LRGUK: variants seen among roughly 807,000 people sequenced by gnomAD.
The protein encoded by LRGUK is leucine rich repeats and guanylate kinase domain containing, also known as leucine-rich repeat and guanylate kinase domain-containing protein.
A neutral mutation model predicts 76.0 loss-of-function variants in LRGUK; 65 were observed. The observed-to-expected ratio is 0.85, with a 90% CI of 0.70 to 1.05. The LOEUF (loss-of-function observed/expected upper bound fraction) is 1.05. Ranked by LOEUF, LRGUK falls within the 50% of genes least tolerant of loss-of-function variation. The pLI is 0.00. For missense variants in LRGUK, 758 were observed against 732.8 expected (o/e 1.03, Z -0.40); for synonymous variants, 268 against 265.6 (o/e 1.01, Z -0.09).
chr7:134,163,443 C>G, exon 7 of LRGUK: 1 of 1,613,640 alleles, frequency 6.2e-7, no homozygotes, highest in Non-Finnish European at 8.5e-7. Context: ...GATCTGAAAG[C>G]CCTGCAGAAC....
chr7:134,183,604 A>G (rs1204992316), intron 10 of LRGUK, 130 bp from the exon 11 acceptor site: 12 of 850,512 alleles, frequency 1.4e-5, no homozygotes, highest in Non-Finnish European at 1.8e-5. Context: ...GGAAAGGACA[A>G]CTATTCTTCT....
chr7:134,265,323 T>G (rs1802836722), downstream of LRGUK, among the ~76,000 whole-genome samples: 2 of 152,152 alleles, frequency 1.3e-5, no homozygotes, highest in South Asian at 4.1e-4. Flanking sequence ...CGAATACAGC[T>G]AAAACCCTGA....
At chr7:134,160,607 C>T (rs549519447) in intron 6 of LRGUK, among the ~76,000 whole-genome samples, 16 of 152,202 alleles carry the variant, frequency 1.1e-4, no homozygotes, top group South Asian at 4.2e-4. Flanking sequence ...TGTTAATTCT[C>T]GAATGTCAAC....
At chr7:134,195,463 T>A (rs748789521) in intron 12 of LRGUK, among the ~76,000 whole-genome samples, 1 of 152,182 alleles carries the variant, frequency 6.6e-6, no homozygotes, top group Non-Finnish European at 1.5e-5. Context: ...GTCAGTTAGG[T>A]TAGATCTCTT....
At chr7:134,263,977 C>CT (rs1802807679) in exon 20 of LRGUK, 1 of 1,605,932 alleles carries the variant, frequency 6.2e-7, no homozygotes, top group South Asian at 1.1e-5. Flanking sequence ...CGCAGGTAGA[C>CT]TAGCACTTGA....
intron 11 of LRGUK, among the ~76,000 whole-genome samples, chr7:134,184,787 TTAAC>T (rs1175497662): frequency 6.6e-6 from 1 of 152,238 alleles, no homozygotes; most frequent in East Asian, 1.9e-4. Context: ...TTCCAAATGC[TTAAC>T]TTAATTCAGT....
At chr7:134,233,286 T>A (rs1489480768) in intron 16 of LRGUK, among the ~76,000 whole-genome samples, 3 of 152,158 alleles carry the variant, frequency 2.0e-5, no homozygotes, top group Non-Finnish European at 4.4e-5. Context: ...GTGACTAGGT[T>A]TTTCCTTCTA....
chr7:134,243,020 C>A (rs1409104643), intron 16 of LRGUK, among the ~76,000 whole-genome samples: 2 of 152,158 alleles, frequency 1.3e-5, no homozygotes, highest in Admixed American at 6.5e-5. Flanking sequence ...ATGCTAAAAA[C>A]TGTCAATAAA....
At chr7:134,128,085 C>T (rs1351058166) in intron 1 of LRGUK, among the ~76,000 whole-genome samples, 1 of 145,112 alleles carries the variant, frequency 6.9e-6, no homozygotes, top group Non-Finnish European at 1.5e-5. Flanking sequence ...TTCCTCAGTT[C>T]TAGTCCCGTC....
At chr7:134,215,485 T>C (rs927392949) in intron 15 of LRGUK, among the ~76,000 whole-genome samples, 6 of 152,198 alleles carry the variant, frequency 3.9e-5, no homozygotes, top group African/African-American at 7.2e-5. Context: ...ACATCATTTA[T>C]GCTGAATTCT....
intron 1 of LRGUK, among the ~76,000 whole-genome samples, chr7:134,135,847 G>T (rs755083314): frequency 2.6e-5 from 4 of 152,270 alleles, no homozygotes; most frequent in Admixed American, 6.5e-5. Flanking sequence ...TAGTAGAGAC[G>T]GGGTTTCACC....
At chr7:134,173,150 C>T (rs1799329388) in intron 7 of LRGUK, among the ~76,000 whole-genome samples, 1 of 152,118 alleles carries the variant, frequency 6.6e-6, no homozygotes, top group South Asian at 2.1e-4. Context: ...GACTGATGGA[C>T]AGTTTAGTCA....
intron 18 of LRGUK, among the ~76,000 whole-genome samples, chr7:134,256,233 G>A (rs576717585): frequency 1.9e-4 from 29 of 152,120 alleles, no homozygotes; most frequent in Middle Eastern, 3.4e-3. Context: ...CCAGGTGGGC[G>A]AATCACCTGA....
At chr7:134,225,396 C>G (rs1431955264) in intron 16 of LRGUK, among the ~76,000 whole-genome samples, 1 of 152,172 alleles carries the variant, frequency 6.6e-6, no homozygotes, top group Non-Finnish European at 1.5e-5. Context: ...TGAGCAGCCC[C>G]CATAATCCAC....
intron 10 of LRGUK, among the ~76,000 whole-genome samples, chr7:134,181,176 G>A (rs1217185871): frequency 6.6e-6 from 1 of 152,112 alleles, no homozygotes; most frequent in African/African-American, 2.4e-5. Flanking sequence ...TTGTTTTCTA[G>A]TATTTTCCTT....
downstream of LRGUK, among the ~76,000 whole-genome samples, chr7:134,266,104 G>A (rs531398774): frequency 4.3e-3 from 650 of 152,280 alleles, 3 homozygotes; most frequent in Non-Finnish European, 6.6e-3. Flanking sequence ...TCTATCTGCC[G>A]GTCATGAGTC....
chr7:134,191,834 AAAG>A, intron 12 of LRGUK, 83 bp downstream of exon 12: 1 of 984,896 alleles, frequency 1.0e-6, no homozygotes, highest in Non-Finnish European at 1.5e-6. Context: ...ATAAATAAAA[AAAG>A]GAAGAATTAA....
At chr7:134,229,364 A>C (rs1051335858) in intron 16 of LRGUK, among the ~76,000 whole-genome samples, 2 of 143,792 alleles carry the variant, frequency 1.4e-5, no homozygotes, top group Non-Finnish European at 1.5e-5. Flanking sequence ...CTCCATCTCA[A>C]AAAAAAAAAA....
chr7:134,162,052 A>G (rs746124371), intron 6 of LRGUK, among the ~76,000 whole-genome samples: 7 of 152,172 alleles, frequency 4.6e-5, no homozygotes, highest in Non-Finnish European at 8.8e-5. Flanking sequence ...TCAGTCTTAA[A>G]TCTTCGTTTT....
Sources: allele counts gnomAD v4.1 joint callset (sites outside exome capture counted in the v4.1 genomes callset), GRCh38; gene constraint gnomAD v4.1.1; transcripts MANE v1.5; gene names NCBI Gene and HGNC (gene_info 2026-07-23, HGNC 2026-07-21).